The following HDAC8 variants were observed in gnomAD, a reference collection of about 807,000 sequenced individuals.
HDAC8 encodes the protein histone deacetylase-like 1.
Under a neutral mutation model 32.2 loss-of-function variants are expected in HDAC8, and 1 was observed. The observed-to-expected ratio is 0.03, with a 90% CI of 0.01 to 0.15. The LOEUF is 0.15. HDAC8 is among the 10% of genes least tolerant of loss of function. HDAC8 has a pLI of 1.00. For missense variants in HDAC8, 117 were observed against 300.0 expected, an observed-to-expected ratio of 0.39 and a Z score of 4.51; for synonymous variants, 108 against 113.9, an observed-to-expected ratio of 0.95 and a Z score of 0.33.
At chrX:72,432,685 A>G (rs1245223982) in intron 9 of HDAC8, among the ~76,000 whole-genome samples, 2 of 110,242 alleles carry the variant, frequency 1.8e-5, no homozygotes, top group Non-Finnish European at 3.8e-5. Flanking sequence ...TCCACTCCCC[A>G]TATGCTTCCT....
At chrX:72,506,618 C>T (rs1159140047) in intron 4 of HDAC8, among the ~76,000 whole-genome samples, 1 of 111,427 alleles carries the variant, frequency 9.0e-6, no homozygotes, top group Non-Finnish European at 1.9e-5. Context: ...CATTAGGCTC[C>T]ACCTCTTAAC....
chrX:72,524,257 G>A (rs1430345083), intron 4 of HDAC8, among the ~76,000 whole-genome samples: 4 of 111,373 alleles, frequency 3.6e-5, no homozygotes, highest in Non-Finnish European at 3.8e-5. Context: ...CTTATCAACC[G>A]GACATCCCTA....
intron 9 of HDAC8, among the ~76,000 whole-genome samples, chrX:72,433,324 A>G (rs1234162311): frequency 9.0e-6 from 1 of 111,603 alleles, no homozygotes; most frequent in Non-Finnish European, 1.9e-5. Flanking sequence ...CCTACTCAAC[A>G]AAAAAAGAAT....
chrX:72,524,805 A>T (rs1222006060), intron 4 of HDAC8, among the ~76,000 whole-genome samples: 1 of 110,394 alleles, frequency 9.1e-6, no homozygotes, highest in African/African-American at 3.3e-5. Flanking sequence ...AAATGTCACT[A>T]CCATGAAGCC....
chrX:72,382,553 C>T (rs1349914892), intron 9 of HDAC8, among the ~76,000 whole-genome samples: 2 of 112,030 alleles, frequency 1.8e-5, no homozygotes, highest in Non-Finnish European at 3.8e-5. Flanking sequence ...AGCTCCTATG[C>T]GGTAATAAAA....
chrX:72,515,615 G>A (rs1325058013), intron 4 of HDAC8, among the ~76,000 whole-genome samples: 1 of 105,444 alleles, frequency 9.5e-6, no homozygotes, highest in African/African-American at 3.4e-5. Context: ...GAAGTATGTG[G>A]AACAGATGAT....
intron 4 of HDAC8, among the ~76,000 whole-genome samples, chrX:72,565,814 T>A (rs782566387): frequency 1.8e-5 from 2 of 110,604 alleles, no homozygotes; most frequent in Admixed American, 9.7e-5. Context: ...AGAGGGTCAT[T>A]TTTTTTCTCC....
At chrX:72,498,424 G>A (rs1455775321) in intron 4 of HDAC8, among the ~76,000 whole-genome samples, 5 of 111,755 alleles carry the variant, frequency 4.5e-5, no homozygotes, top group African/African-American at 1.6e-4. Flanking sequence ...TCAGAATCCT[G>A]ATGCTGCTTT....
intron 9 of HDAC8, among the ~76,000 whole-genome samples, chrX:72,391,024 T>C (rs900232703): frequency 4.5e-5 from 5 of 112,291 alleles, no homozygotes; most frequent in African/African-American, 1.3e-4. Flanking sequence ...ATCTTTATTA[T>C]TGCCATAGAA....
chrX:72,529,944 C>T (rs1395587787), intron 4 of HDAC8, among the ~76,000 whole-genome samples: 1 of 111,801 alleles, frequency 8.9e-6, no homozygotes, highest in Admixed American at 9.5e-5. Context: ...TTTTCTGCCT[C>T]CATGGTAACA....
At chrX:72,332,078 T>G (rs1293338706) in intron 10 of HDAC8, among the ~76,000 whole-genome samples, 1 of 112,548 alleles carries the variant, frequency 8.9e-6, no homozygotes, top group Admixed American at 9.4e-5. Context: ...AGCATACTGC[T>G]CTTAAGATCC....
At chrX:72,422,800 A>T in intron 9 of HDAC8, among the ~76,000 whole-genome samples, 1 of 111,099 alleles carries the variant, frequency 9.0e-6, no homozygotes, top group Middle Eastern at 4.6e-3. Flanking sequence ...AACAGAGATA[A>T]GTTCTTTACA....
rs1348972282 is a variant in HDAC8, at chrX:72,572,561, C to A, written c.111+90G>T. 3 of 624,860 alleles carry A rather than the reference C, an allele frequency of 4.8e-6. No homozygotes were observed. In the Admixed American group the frequency reaches 1.0e-4, roughly 21 times the overall value. The allele number at this position is 624,860 out of a possible 1,213,427, so 51.5% of individuals were successfully genotyped here. A position where few individuals can be genotyped will look rare whatever the true frequency, so the allele number is the denominator to read the frequency against. On this transcript the variant is annotated intron_variant, in intron 1 of 10. Coordinates refer to ENST00000373573, the MANE Select transcript of HDAC8 (RefSeq NM_018486.3). Reference sequence around the variant, plus strand: ...AAATTTCTGAAGATTTCCCCCAGCCCAGTGTCCTCTCCGCTTCCTAACGCT... The same window carrying A: ...AAATTTCTGAAGATTTCCCCCAGCCAAGTGTCCTCTCCGCTTCCTAACGCT...
intron 9 of HDAC8, among the ~76,000 whole-genome samples, chrX:72,378,416 C>A (rs2045155096): frequency 9.0e-6 from 1 of 111,553 alleles, no homozygotes; most frequent in Non-Finnish European, 1.9e-5. Flanking sequence ...TGACCTTTTG[C>A]CGTGTTGTGA....
At chrX:72,365,926 C>A (rs2044684740) in intron 9 of HDAC8, among the ~76,000 whole-genome samples, 1 of 112,265 alleles carries the variant, frequency 8.9e-6, no homozygotes, top group Non-Finnish European at 1.9e-5. Context: ...CACTCATTCA[C>A]ATGATACCAA....
In HDAC8 at chrX:72,365,740, T is replaced by C. The variant is rs782409461; in HGVS notation, c.1006-13902A>G. Among the ~76,000 whole-genome samples, 7 of 112,247 alleles carry C rather than the reference T, an allele frequency of 6.2e-5. No homozygotes were observed. In the East Asian group the frequency reaches 1.7e-3, roughly 27 times the overall value. ...CAACTTTCTTGTCTGCTTTGAATAA[T>C]GCATCTTTCTTTTGTGATGGACCAC... On this transcript the variant is annotated intron_variant, in intron 9 of 10. Transcript: ENST00000373573.
intron 9 of HDAC8, among the ~76,000 whole-genome samples, chrX:72,409,772 T>C (rs1468273311): frequency 1.8e-5 from 2 of 112,006 alleles, no homozygotes; most frequent in African/African-American, 6.5e-5. Context: ...AAGTGTACAG[T>C]CCCTGTAACA....
intron 9 of HDAC8, among the ~76,000 whole-genome samples, chrX:72,400,029 G>A (rs2045863367): frequency 9.0e-6 from 1 of 111,276 alleles, no homozygotes; most frequent in Non-Finnish European, 1.9e-5. Flanking sequence ...GACACAGTTG[G>A]CCACTCCCTC....
intron 9 of HDAC8, among the ~76,000 whole-genome samples, chrX:72,407,162 G>A (rs2046061891): frequency 1.8e-5 from 2 of 112,698 alleles, no homozygotes; most frequent in Non-Finnish European, 3.8e-5. Context: ...ATCTAGAGAT[G>A]GGTAGGTTAC....
Sources: gnomAD v4.1 joint callset for allele counts (sites outside exome capture counted in the v4.1 genomes callset) on GRCh38, gnomAD v4.1.1 for gene constraint, MANE v1.5 for transcripts, NCBI Gene and HGNC (gene_info 2026-07-23, HGNC 2026-07-21) for gene names.